The following PLEKHB2 variants were observed in gnomAD, a reference collection of about 807,000 sequenced individuals.
PLEKHB2 encodes pleckstrin homology domain-containing family B member 2.
A neutral mutation model predicts 36.5 loss-of-function variants in PLEKHB2; 31 were observed. The ratio of observed to expected loss-of-function variants is 0.85; its 90% CI spans 0.64 to 1.15. The LOEUF (loss-of-function observed/expected upper bound fraction) is 1.15. PLEKHB2 is among the 50% of genes most tolerant of loss of function. PLEKHB2 has a pLI of 0.00. For missense variants in PLEKHB2, 262 were observed against 295.3 expected (o/e 0.89, Z 0.83); for synonymous variants, 119 against 112.0 (o/e 1.06, Z -0.39).
intron 1 of PLEKHB2, chr2:131,120,516 C>T (rs942027792): frequency 3.5e-5 from 7 of 198,578 alleles, no homozygotes; most frequent in African/African-American, 1.4e-4. Flanking sequence ...GGCCACTCCA[C>T]GTCACTCACT....
At chr2:131,114,622 A>G (rs1210772874) in intron 1 of PLEKHB2, among the ~76,000 whole-genome samples, 3 of 152,276 alleles carry the variant, frequency 2.0e-5, no homozygotes, top group East Asian at 1.9e-4. Context: ...TTCTTTTACT[A>G]GATACCCTAA....
intron 1 of PLEKHB2, 62 bp from the exon 2 acceptor site, chr2:131,120,872 G>T: frequency 6.6e-7 from 1 of 1,526,300 alleles, no homozygotes; most frequent in South Asian, 1.1e-5. Flanking sequence ...ATAGAGACTC[G>T]GGCCGGACAG....
chr2:131,109,530 A>C (rs1008223200), intron 1 of PLEKHB2, among the ~76,000 whole-genome samples: 1 of 151,962 alleles, frequency 6.6e-6, no homozygotes, highest in African/African-American at 2.4e-5. Context: ...TCTGTACTAA[A>C]AGTACAAAAA....
chr2:131,130,976 A>T (rs923887238), intron 5 of PLEKHB2, among the ~76,000 whole-genome samples: 2 of 152,032 alleles, frequency 1.3e-5, no homozygotes, highest in African/African-American at 4.8e-5. Context: ...TTTTGTAGAG[A>T]CGAAGTCTCA....
chr2:131,130,735 C>A lies in PLEKHB2; in HGVS notation c.308C>A (p.Thr103Lys). The A allele has an allele frequency of 6.2e-7, 1 of 1,610,960 alleles. No individual in the cohort carries two copies. The highest frequency in any genetic ancestry group is 1.3e-5 in the African/African-American group (1 of 74,888). ...STDDCLAWKF[T>K]LQDSRTNTAY... is the part of the protein sequence containing the mutation. ...CTTTTCTCCAGGGCCTGGAAATTTA[C>A]ACTCCAAGATTCTAGGACAAACACA... Residue 103 changes from threonine to lysine, a missense_variant, in exon 5 of 8, where the codon ACA (threonine) becomes AAA (lysine). Transcript: ENST00000693505.
At position 131,105,368 on chromosome 2, in the gene PLEKHB2, G is replaced by A. The variant is rs1195272113; in HGVS notation, c.-39G>A. The A allele has an allele frequency of 6.6e-6, 1 of 152,226 alleles. No individual in the cohort carries two copies. The highest frequency in any genetic ancestry group is 6.5e-5 in the Admixed American group (1 of 15,274). 9.4% of individuals were successfully genotyped at this position (152,226 alleles called of 1,614,324 possible). A position where few individuals can be genotyped will look rare whatever the true frequency, so the allele number is the denominator to read the frequency against. Reference sequence around the variant, plus strand: ...GGCGAGCAGGCGAGGAATCGCCGTGGCGTCTTGGTGTTCTCCACGCTGGTT... The same window carrying A: ...GGCGAGCAGGCGAGGAATCGCCGTGACGTCTTGGTGTTCTCCACGCTGGTT... On this transcript the variant is annotated 5_prime_UTR_variant, in exon 1 of 8. Transcript: ENST00000693505.
intron 2 of PLEKHB2, among the ~76,000 whole-genome samples, chr2:131,123,775 ACCCCC>A (rs1268166212): frequency 5.2e-5 from 2 of 38,758 alleles, no homozygotes; most frequent in Middle Eastern, 0.016. Flanking sequence ...CACCCCCCCC[ACCCCC>A]CCCCCCGCCC....
At chr2:131,137,289 C>G (rs1258745243) in intron 6 of PLEKHB2, among the ~76,000 whole-genome samples, 2 of 152,184 alleles carry the variant, frequency 1.3e-5, no homozygotes, top group East Asian at 3.8e-4. Flanking sequence ...ATCTATTTGT[C>G]ACAGTTCTGG....
intron 4 of PLEKHB2, among the ~76,000 whole-genome samples, chr2:131,128,440 G>A (rs1697316922): frequency 6.6e-6 from 1 of 152,128 alleles, no homozygotes; most frequent in African/African-American, 2.4e-5. Context: ...TGCTTTCCTG[G>A]CCACCATATT....
At chr2:131,107,984 C>T (rs1203489179) in intron 1 of PLEKHB2, 1 of 152,210 alleles carries the variant, frequency 6.6e-6, no homozygotes, top group African/African-American at 2.4e-5. Context: ...TTTGGACCAT[C>T]TACTACAGGG....
chr2:131,146,841 T>C lies in PLEKHB2; in HGVS notation c.*68T>C. The C allele has an allele frequency of 2.2e-6, 3 of 1,366,674 alleles. No individual in the cohort carries two copies. The highest frequency in any genetic ancestry group is 3.0e-5 in the South Asian group (2 of 65,746). The allele number at this position is 1,366,674 out of a possible 1,614,324, so 84.7% of individuals were successfully genotyped here. A position where few individuals can be genotyped will look rare whatever the true frequency, so the allele number is the denominator to read the frequency against. ...GTGCAATAATATGATTTGCAGGGCA[T>C]TTCTGTTTGTGACAAAAGTTTTTAA... On this transcript the variant is annotated 3_prime_UTR_variant, in exon 8 of 8. Transcript: ENST00000693505.
intron 6 of PLEKHB2, among the ~76,000 whole-genome samples, chr2:131,138,518 C>T (rs1404186478): frequency 6.6e-6 from 1 of 152,106 alleles, no homozygotes; most frequent in African/African-American, 2.4e-5. Context: ...TTTAGCAGAC[C>T]TCCTTCTGGG....
intron 2 of PLEKHB2, among the ~76,000 whole-genome samples, chr2:131,124,724 G>A (rs1157041058): frequency 6.6e-6 from 1 of 152,034 alleles, no homozygotes; most frequent in Non-Finnish European, 1.5e-5. Context: ...GTGGGCTTCT[G>A]TGGGAAATGG....
At chr2:131,146,557 G>A in intron 7 of PLEKHB2, 80 bp from the exon 8 acceptor site, 1 of 1,440,462 alleles carries the variant, frequency 6.9e-7, no homozygotes, top group Non-Finnish European at 9.4e-7. Flanking sequence ...TCCCTTTTGT[G>A]AAAGGAGAAC....
chr2:131,135,702 C>G (rs529919044), intron 6 of PLEKHB2, among the ~76,000 whole-genome samples: 1 of 152,138 alleles, frequency 6.6e-6, no homozygotes, highest in South Asian at 2.1e-4. Context: ...CTCCCGGGTT[C>G]ACACCATTCT....
At chr2:131,133,766 T>C (rs1697955587) in intron 6 of PLEKHB2, among the ~76,000 whole-genome samples, 1 of 152,238 alleles carries the variant, frequency 6.6e-6, no homozygotes, top group South Asian at 2.1e-4. Context: ...CTCTATAGTT[T>C]TATCATTTCA....
At chr2:131,126,544 T>G in intron 3 of PLEKHB2, 140 bp from the exon 4 acceptor site, 1 of 650,024 alleles carries the variant, frequency 1.5e-6, no homozygotes, top group Non-Finnish European at 2.7e-6. Flanking sequence ...CTTTCTGCAT[T>G]CTTGGAAAGG....
intron 7 of PLEKHB2, among the ~76,000 whole-genome samples, chr2:131,145,951 C>T (rs892582397): frequency 2.0e-5 from 3 of 151,576 alleles, no homozygotes; most frequent in Non-Finnish European, 2.9e-5. Flanking sequence ...GGGAGGCCGA[C>T]GCGGGTGGAT....
chr2:131,141,051 C>T (rs1698732541), intron 7 of PLEKHB2, among the ~76,000 whole-genome samples: 1 of 152,170 alleles, frequency 6.6e-6, no homozygotes, highest in Non-Finnish European at 1.5e-5. Flanking sequence ...CATGGTGTCT[C>T]AGCGCAGAGG....
Sources: gnomAD v4.1 joint callset for allele counts (sites outside exome capture counted in the v4.1 genomes callset) on GRCh38, gnomAD v4.1.1 for gene constraint, MANE v1.5 for transcripts, NCBI Gene and HGNC (gene_info 2026-07-23, HGNC 2026-07-21) for gene names.